Variants in TMEM218 observed in about 807,000 individuals in gnomAD.
The protein encoded by TMEM218 is transmembrane protein 218.
A neutral mutation model predicts 10.0 loss-of-function variants in TMEM218; 8 were observed. That is an observed-to-expected ratio of 0.80 (90% CI 0.47 to 1.44). TMEM218 has a LOEUF of 1.44. Ranked by LOEUF, TMEM218 falls within the 40% of genes most tolerant of loss-of-function variation. TMEM218 has a pLI of 0.00. For missense variants in TMEM218, 110 were observed against 140.1 expected (o/e 0.79, Z 1.08); for synonymous variants, 66 against 63.5 (o/e 1.04, Z -0.18).
intron 4 of TMEM218, among the ~76,000 whole-genome samples, chr11:125,099,700 G>T (rs1022718885): frequency 3.3e-5 from 5 of 152,062 alleles, no homozygotes; most frequent in African/African-American, 9.7e-5. Context: ...GAGGCGAGTG[G>T]ATCACCTGAG....
chr11:125,098,917 G>A (rs759211048), intron 4 of TMEM218, among the ~76,000 whole-genome samples: 1 of 152,164 alleles, frequency 6.6e-6, no homozygotes, highest in Non-Finnish European at 1.5e-5. Context: ...AATACGAGCA[G>A]CCTCTAGAAG....
rs1290278823 is a variant in TMEM218 at position 125,096,529 on chromosome 11, C to A, written c.*1077G>T. The A allele has an allele frequency of 1.3e-5, 2 of 152,168 alleles. No individual in the cohort carries two copies. The highest frequency in any genetic ancestry group is 2.9e-5 in the Non-Finnish European group (2 of 68,030). The allele number at this position is 152,168 out of a possible 1,614,324, so 9.4% of individuals were successfully genotyped here. A position where few individuals can be genotyped will look rare whatever the true frequency, so the allele number is the denominator to read the frequency against. ...TAAAGTGGGGATGATAAAAATGAGA[C>A]CGTTGTAAAAATTAAATAAATTAAA... On this transcript the variant is annotated 3_prime_UTR_variant, in exon 5 of 5. Coordinates refer to ENST00000682305, the MANE Select transcript of TMEM218 (RefSeq NM_001258244.2).
intron 2 of TMEM218, 147 bp downstream of exon 2, chr11:125,102,586 TC>T: frequency 7.5e-7 from 1 of 1,330,308 alleles, no homozygotes; most frequent in Non-Finnish European, 9.8e-7. Flanking sequence ...TTTGACCTCT[TC>T]CCCCAGCCCA....
Position 125,102,238 on chromosome 11 carries a change from C to A in TMEM218, c.4G>T (p.Ala2Ser). The A allele has an allele frequency of 6.2e-7, 1 of 1,612,696 alleles. No homozygotes were observed. Among genetic ancestry groups the A allele is most frequent in the Non-Finnish European group, 8.5e-7 (1 of 1,179,472 alleles). Residue 2 changes from alanine (A) to serine (S), a missense_variant, in exon 3 of 5, where the codon GCT becomes TCT. By Grantham distance (99) the Ala-to-Ser change is moderately conservative. Transcript: ENST00000682305. Reference sequence around the variant, plus strand: ...GCACCGACTCCGAGCACAGTGCCAGCCATCCCGCGGGGAGGCAGCGGCGGC... The same window carrying A: ...GCACCGACTCCGAGCACAGTGCCAGACATCCCGCGGGGAGGCAGCGGCGGC... M[A>S]GTVLGVGAGV...
At chr11:125,107,799 G>GTATATATA (rs55846847) in intron 1 of TMEM218, among the ~76,000 whole-genome samples, 3 of 82,336 alleles carry the variant, frequency 3.6e-5, no homozygotes, top group African/African-American at 6.6e-5. Flanking sequence ...GGATATGTGT[G>GTATATATA]TATATATATA....
At chr11:125,110,430 G>A (rs954330809) in intron 1 of TMEM218, 1 of 152,224 alleles carries the variant, frequency 6.6e-6, no homozygotes, top group African/African-American at 2.4e-5. Flanking sequence ...GTTTTTCTCT[G>A]AGAGAGTTTG....
chr11:125,095,324 G>A lies in TMEM218; in HGVS notation c.*2282C>T, dbSNP rs1164266347. Among the ~76,000 whole-genome samples, 2 of 152,174 alleles carry A rather than the reference G, an allele frequency of 1.3e-5. No individual in the cohort carries two copies. Among genetic ancestry groups the A allele is most frequent in the African/African-American group, 4.8e-5 (2 of 41,432 alleles). ...ATCACAGAATGGTTCTGAACACTAA[G>A]ATGACTTCTGTCTGTATTTAAGGAA... On this transcript the variant is annotated 3_prime_UTR_variant, in exon 5 of 5. Coordinates refer to ENST00000682305, the MANE Select transcript of TMEM218 (RefSeq NM_001258244.2).
At chr11:125,099,695 G>A (rs974182367) in intron 4 of TMEM218, among the ~76,000 whole-genome samples, 1 of 152,022 alleles carries the variant, frequency 6.6e-6, no homozygotes, top group African/African-American at 2.4e-5. Flanking sequence ...AGGCTGAGGC[G>A]AGTGGATCAC....
rs181165568 is a variant in TMEM218 at position 125,097,545 on chromosome 11, C to T, written c.*61G>A. 8.0e-4 allele frequency: 1,273 copies of T among 1,587,314 alleles called. No homozygotes were observed. The highest frequency in any genetic ancestry group is 1.0e-3 in the Non-Finnish European group (1,210 of 1,161,942). ...AAAACAAGGCTCTGAATAGTGCCTT[C>T]CTGCTCATCAATGTCATCACAATGA... On this transcript the variant is annotated 3_prime_UTR_variant, in exon 5 of 5. Transcript: ENST00000682305.
At chr11:125,110,906 C>A (rs747144910) in intron 1 of TMEM218, among the ~76,000 whole-genome samples, 3 of 146,066 alleles carry the variant, frequency 2.1e-5, no homozygotes, top group Non-Finnish European at 4.5e-5. Flanking sequence ...ACTTCACTAT[C>A]TTTTGAATTT....
intron 1 of TMEM218, among the ~76,000 whole-genome samples, chr11:125,109,884 C>T (rs890901281): frequency 6.6e-6 from 1 of 152,216 alleles, no homozygotes; most frequent in Non-Finnish European, 1.5e-5. Flanking sequence ...AGCTGGCTGG[C>T]GCCATTAGAA....
chr11:125,102,134 C>A lies in TMEM218; in HGVS notation c.108G>T (p.Ala36=). ...CVLLSRASGA[A]RFSVIFLFFG... is the part of the protein sequence containing the mutation. ...CCCAGTTGGACAGAATGCCTTACCT[C>A]GCCGCCCCGGAGGCTCTGGACAGCA... The change falls in exon 3 of 5, where the codon GCG becomes GCT. Residue 36 remains alanine, a splice_region_variant and synonymous_variant. Coordinates refer to ENST00000682305, the MANE Select transcript of TMEM218 (RefSeq NM_001258244.2). 1 of 1,552,958 alleles carries A rather than the reference C, an allele frequency of 6.4e-7. No individual in the cohort carries two copies.
intron 1 of TMEM218, among the ~76,000 whole-genome samples, chr11:125,106,383 C>T (rs1952149255): frequency 6.6e-6 from 1 of 151,986 alleles, no homozygotes; most frequent in African/African-American, 2.4e-5. Flanking sequence ...AAGATACAAC[C>T]TGAAACAAAT....
chr11:125,101,989 T>C (rs188661597), intron 3 of TMEM218, 143 bp downstream of exon 3: 1 of 969,376 alleles, frequency 1.0e-6, no homozygotes, highest in East Asian at 3.0e-5. Context: ...AGTTAGTGTT[T>C]ATAAAAAGAG....
chr11:125,095,751 A>T lies in TMEM218; in HGVS notation c.*1855T>A, dbSNP rs1420253555. Among the ~76,000 whole-genome samples, 1 of 152,226 alleles carries T rather than the reference A, an allele frequency of 6.6e-6. No homozygotes were observed. Among genetic ancestry groups the T allele is most frequent in the Non-Finnish European group, 1.5e-5 (1 of 68,044 alleles). Reference sequence around the variant, plus strand: ...AGAATTTAGTTTCCAACCTTAATACACTTTCCTCCATCTAAATAGTCACCC... The same window carrying T: ...AGAATTTAGTTTCCAACCTTAATACTCTTTCCTCCATCTAAATAGTCACCC... On this transcript the variant is annotated 3_prime_UTR_variant, in exon 5 of 5. Transcript: ENST00000682305.
chr11:125,101,863 C>T, intron 3 of TMEM218: 1 of 514,132 alleles, frequency 1.9e-6, no homozygotes, highest in Non-Finnish European at 3.3e-6. Context: ...TAAACACATA[C>T]ACATACAGCC....
At chr11:125,107,192 A>G (rs556253460) in intron 1 of TMEM218, among the ~76,000 whole-genome samples, 6 of 152,302 alleles carry the variant, frequency 3.9e-5, no homozygotes, top group African/African-American at 1.2e-4. Flanking sequence ...GGCTTGTGAA[A>G]CATAGTGACT....
Position 125,109,954 on chromosome 11 carries a change from T to C in TMEM218, c.-153+1585A>G, listed in dbSNP as rs565460234. Among the ~76,000 whole-genome samples, 15 of 152,334 alleles carry C rather than the reference T, an allele frequency of 9.8e-5. No individual in the cohort carries two copies. The East Asian group carries it at 1.7e-3, about 18-fold the overall frequency. On this transcript the variant is annotated intron_variant, in intron 1 of 4. Transcript: ENST00000682305. ...GTTCGTGAGACATTGGATTTATATATGGTATGGCTTTAAAGTAATAAGATA... is the reference window on the plus strand; with the variant it reads ...GTTCGTGAGACATTGGATTTATATACGGTATGGCTTTAAAGTAATAAGATA...
Position 125,102,198 on chromosome 11 carries a change from A to G in TMEM218, c.44T>C (p.Leu15Ser). 3.1e-6 allele frequency: 5 copies of G among 1,612,928 alleles called. No homozygotes were observed. Among genetic ancestry groups the G allele is most frequent in the Non-Finnish European group, 4.2e-6 (5 of 1,179,606 alleles). The change falls in exon 3 of 5, where the codon TTA (leucine) becomes TCA (serine). Residue 15 changes from leucine (L) to serine (S), a missense_variant. Transcript: ENST00000682305. ...CAGCACTGCCACCCAGAGCAGGGCT[A>G]AGATGAACACGCCCGCACCGACTCC... ...VLGVGAGVFI[L>S]ALLWVAVLLL...
Sources: allele counts gnomAD v4.1 joint callset (sites outside exome capture counted in the v4.1 genomes callset), GRCh38; gene constraint gnomAD v4.1.1; transcripts MANE v1.5; gene names NCBI Gene and HGNC (gene_info 2026-07-23, HGNC 2026-07-21).